HNRNPUL1: variants seen among roughly 807,000 people sequenced by gnomAD.
The protein encoded by HNRNPUL1 is heterogeneous nuclear ribonucleoprotein U like 1.
HNRNPUL1 carries 14 observed loss-of-function variants against 108.5 expected under a neutral mutation model. That is an observed-to-expected ratio of 0.13 (90% CI 0.09 to 0.20). HNRNPUL1 has a LOEUF of 0.20. Among genes scored for constraint, HNRNPUL1 ranks in the 10% least tolerant of loss-of-function variants. The probability of loss-of-function intolerance (pLI) is 1.00; values close to 1 mark genes in which losing one functional copy is unlikely to be tolerated. For synonymous variants in HNRNPUL1, 422 were observed against 445.2 expected, an observed-to-expected ratio of 0.95 and a Z score of 0.66; for missense variants, 804 against 1,168.3, an observed-to-expected ratio of 0.69 and a Z score of 4.55.
rs1443473961 is a variant in HNRNPUL1 at position 41,281,197 on chromosome 19, T to A, written c.921T>A (p.Thr307=). 1.2e-6 allele frequency: 2 copies of A among 1,614,172 alleles called. No homozygotes were observed. ...EEPFSYGYGG[T]GKKSTNSRFE... is the part of the protein sequence containing the mutation. ...CTTTCTCCTATGGCTATGGAGGCAC[T>A]GGGAAGAAGTCCACCAATAGCCGGT... The change falls in exon 7 of 15, where the codon ACT becomes ACA. Residue 307 remains threonine, a synonymous_variant. Coordinates refer to ENST00000392006, the MANE Select transcript of HNRNPUL1 (RefSeq NM_007040.6).
chr19:41,264,866 G>T, intron 1 of HNRNPUL1, 68 bp downstream of exon 1: 1 of 1,347,008 alleles, frequency 7.4e-7, no homozygotes, highest in Non-Finnish European at 9.5e-7. Context: ...GTGGGACGCG[G>T]GAGTCCAGCG....
chr19:41,301,453 C>T, intron 10 of HNRNPUL1, 83 bp from the exon 11 acceptor site: 1 of 1,154,080 alleles, frequency 8.7e-7, no homozygotes, highest in Non-Finnish European at 1.2e-6. Flanking sequence ...TTTTCTCAGT[C>T]CCTGGCCTAC....
intron 2 of HNRNPUL1, among the ~76,000 whole-genome samples, chr19:41,270,267 G>A (rs924915507): frequency 2.0e-5 from 3 of 152,030 alleles, no homozygotes; most frequent in Admixed American, 2.0e-4. Context: ...ACAGGCGTGA[G>A]CCACTGAACC....
chr19:41,263,612 T>G (rs967156529), upstream of HNRNPUL1, among the ~76,000 whole-genome samples: 35 of 152,178 alleles, frequency 2.3e-4, 2 homozygotes, highest in Non-Finnish European at 8.8e-5. Context: ...CAACTCAAAA[T>G]TTTGCTTTTC....
chr19:41,301,173 T>G (rs921903293), intron 10 of HNRNPUL1, among the ~76,000 whole-genome samples: 2 of 152,062 alleles, frequency 1.3e-5, no homozygotes, highest in African/African-American at 4.8e-5. Flanking sequence ...AACACAGGGG[T>G]TTTTCCTCTA....
At chr19:41,265,002 G>A in intron 1 of HNRNPUL1, 1 of 1,394,028 alleles carries the variant, frequency 7.2e-7, no homozygotes, top group East Asian at 2.9e-5. Context: ...GGGGGACACT[G>A]GGGGAGGGGC....
chr19:41,265,467 G>C, intron 1 of HNRNPUL1: 2 of 1,241,476 alleles, frequency 1.6e-6, no homozygotes, highest in South Asian at 1.6e-5. Flanking sequence ...GAACTAGGGG[G>C]CACCCCCATC....
At chr19:41,284,418 C>A (rs2036086795) in intron 7 of HNRNPUL1, among the ~76,000 whole-genome samples, 1 of 152,222 alleles carries the variant, frequency 6.6e-6, no homozygotes, top group Admixed American at 6.5e-5. Flanking sequence ...GTAGTCTCAG[C>A]ACTTTGGGAG....
At chr19:41,269,943 T>G (rs1599766200) in intron 2 of HNRNPUL1, among the ~76,000 whole-genome samples, 1 of 149,748 alleles carries the variant, frequency 6.7e-6, no homozygotes, top group East Asian at 2.0e-4. Flanking sequence ...AAAATAAAAA[T>G]ATTACCTGAG....
Position 41,304,084 on chromosome 19 carries a change from G to GCCGCCACCACAGCAGCCT in HNRNPUL1, c.2099_2116dup (p.Gln700_Gln705dup), listed in dbSNP as rs1257742924. ...GCTACAACCGGGCTCCCCAGCAACA[G>GCCGCCACCACAGCAGCCT]CCGCCACCACAGCAGCCTCCGCCAC... On this transcript the variant is annotated inframe_insertion, in exon 13 of 15. Transcript: ENST00000392006. 1.9e-6 allele frequency: 3 copies of GCCGCCACCACAGCAGCCT among 1,613,030 alleles called. No individual in the cohort carries two copies. Among genetic ancestry groups the GCCGCCACCACAGCAGCCT allele is most frequent in the South Asian group, 2.2e-5 (2 of 91,070 alleles).
chr19:41,281,775 C>T (rs942900043), intron 7 of HNRNPUL1, among the ~76,000 whole-genome samples: 3 of 152,202 alleles, frequency 2.0e-5, no homozygotes, highest in Non-Finnish European at 4.4e-5. Flanking sequence ...TGCTGCCATA[C>T]TTCAGTCTTT....
At chr19:41,303,092 C>G in intron 12 of HNRNPUL1, 143 bp downstream of exon 12, 1 of 955,152 alleles carries the variant, frequency 1.0e-6, no homozygotes, top group Non-Finnish European at 1.5e-6. Context: ...ACAAGTCAGA[C>G]ACGGAGACCT....
chr19:41,303,936 A>G, intron 12 of HNRNPUL1, 36 bp from the exon 13 acceptor site: 1 of 1,576,766 alleles, frequency 6.3e-7, no homozygotes, highest in Non-Finnish European at 8.6e-7. Flanking sequence ...CCATTTGGGA[A>G]TGATGGCGCC....
chr19:41,293,046 T>C (rs1458282643), intron 8 of HNRNPUL1, among the ~76,000 whole-genome samples: 1 of 152,076 alleles, frequency 6.6e-6, no homozygotes, highest in Non-Finnish European at 1.5e-5. Flanking sequence ...CACCGAGTGT[T>C]CTTGAAGGAG....
intron 1 of HNRNPUL1, chr19:41,267,947 C>G (rs1194285368): frequency 3.8e-6 from 1 of 260,264 alleles, no homozygotes; most frequent in Non-Finnish European, 7.3e-6. Flanking sequence ...TTCTTCATTC[C>G]TGGTACTACT....
At chr19:41,299,372 T>C (rs1265131004) in intron 10 of HNRNPUL1, among the ~76,000 whole-genome samples, 1 of 152,214 alleles carries the variant, frequency 6.6e-6, no homozygotes, top group Non-Finnish European at 1.5e-5. Flanking sequence ...TTCCAGCAGA[T>C]TTGTGCTGGA....
At chr19:41,287,664 A>G (rs951813942) in intron 7 of HNRNPUL1, among the ~76,000 whole-genome samples, 4 of 152,010 alleles carry the variant, frequency 2.6e-5, no homozygotes, top group African/African-American at 9.7e-5. Context: ...GGTTCAAACG[A>G]TTCTCCAGCC....
intron 13 of HNRNPUL1, 116 bp downstream of exon 13, chr19:41,304,377 A>G (rs750368409): frequency 6.7e-7 from 1 of 1,485,522 alleles, no homozygotes; most frequent in Admixed American, 2.5e-5. Context: ...ACTGGTCTTC[A>G]CTCTAACCTC....
intron 12 of HNRNPUL1, 103 bp from the exon 13 acceptor site, chr19:41,303,869 G>A: frequency 2.6e-5 from 37 of 1,408,488 alleles, no homozygotes; most frequent in Non-Finnish European, 3.4e-5. Flanking sequence ...TTCTTGCTCT[G>A]CGCCTGGCCA....
Sources: gnomAD v4.1 joint callset for allele counts (sites outside exome capture counted in the v4.1 genomes callset) on GRCh38, gnomAD v4.1.1 for gene constraint, MANE v1.5 for transcripts, NCBI Gene and HGNC (gene_info 2026-07-23, HGNC 2026-07-21) for gene names.